EEF1A2: variants seen among roughly 807,000 people sequenced by gnomAD.
The protein encoded by EEF1A2 is elongation factor 1-alpha 2.
In EEF1A2, 5 loss-of-function variants were observed where a neutral mutation model predicts 39.3. The ratio of observed to expected loss-of-function variants is 0.13; its 90% CI spans 0.07 to 0.27. The LOEUF (loss-of-function observed/expected upper bound fraction) is 0.27, where lower values mean the gene tolerates loss of function less well. Among genes scored for constraint, EEF1A2 ranks in the 10% least tolerant of loss-of-function variants. The pLI, the probability that EEF1A2 is intolerant of heterozygous loss-of-function variation, is 1.00. For missense variants in EEF1A2, 218 were observed against 681.4 expected, an observed-to-expected ratio of 0.32 and a Z score of 7.57; for synonymous variants, 287 against 293.7, an observed-to-expected ratio of 0.98 and a Z score of 0.23.
intron 5 of EEF1A2, among the ~76,000 whole-genome samples, chr20:63,492,390 GTA>G (rs1202277898): frequency 0.095 from 12,260 of 129,102 alleles, 32 homozygotes; most frequent in African/African-American, 0.18. Flanking sequence ...GGATGGGTGG[GTA>G]GATGGATGGA....
Position 63,488,207 on chromosome 20 carries a change from C to G in EEF1A2, c.*91G>C, listed in dbSNP as rs2082360758. 1 of 793,348 alleles carries G rather than the reference C, an allele frequency of 1.3e-6. No homozygotes were observed. Among genetic ancestry groups the G allele is most frequent in the Non-Finnish European group, 1.4e-6 (1 of 703,760 alleles). 49.1% of individuals were successfully genotyped at this position (793,348 alleles called of 1,614,324 possible). ...CTGGCGGGGGTGCGGGGCGCCGGAC[C>G]GGCGCGCGGGGCGGGGGCGGGGCGG... On this transcript the variant is annotated 3_prime_UTR_variant, in exon 8 of 8. Coordinates refer to ENST00000217182, the MANE Select transcript of EEF1A2 (RefSeq NM_001958.5).
rs201364212 is a variant in EEF1A2, at chr20:63,490,751, G to T, written c.773-16C>A. The T allele has an allele frequency of 3.2e-6, 5 of 1,584,038 alleles. No homozygotes were observed. The highest frequency in any genetic ancestry group is 4.3e-6 in the Non-Finnish European group (5 of 1,165,966). ...GTGCCAATGCCTGCAGAGGGGAGGG[G>T]GTGTGAGGGGAAGGTGGGGCCCGAG... On this transcript the variant is annotated splice_polypyrimidine_tract_variant and intron_variant, in intron 5 of 7. Transcript: ENST00000217182.
intron 5 of EEF1A2, among the ~76,000 whole-genome samples, chr20:63,491,980 G>A (rs1454813645): frequency 7.5e-6 from 1 of 133,864 alleles, no homozygotes; most frequent in East Asian, 2.2e-4. Context: ...ATGGATGGAT[G>A]GATGGATGGA....
chr20:63,496,137 G>T, intron 2 of EEF1A2, 102 bp from the exon 3 acceptor site: 2 of 1,396,920 alleles, frequency 1.4e-6, no homozygotes, highest in Non-Finnish European at 2.0e-6. Flanking sequence ...AGAGGCGGGA[G>T]ATGGGCTCCA....
intron 2 of EEF1A2, 86 bp from the exon 3 acceptor site, chr20:63,496,121 G>T: frequency 6.7e-7 from 1 of 1,491,792 alleles, no homozygotes. Context: ...CAGCAGAGTG[G>T]CCGCGAGAGG....
rs2082409506 is a variant in EEF1A2 at position 63,494,890 on chromosome 20, T to C, written c.536A>G (p.Lys179Arg). 1.2e-6 allele frequency: 2 copies of C among 1,612,752 alleles called. No individual in the cohort carries two copies. Among genetic ancestry groups the C allele is most frequent in the Non-Finnish European group, 1.7e-6 (2 of 1,179,948 alleles). Residue 179 changes from lysine to arginine, a missense_variant, in exon 4 of 8, where the codon AAG (lysine) becomes AGG (arginine). Lys to Arg is a conservative substitution (Grantham distance 26). This residue lies in a region of EEF1A2 where 79 missense variants were observed against 172.3 expected (regional missense o/e 0.46). Transcript: ENST00000217182. ...EIVKEVSAYI[K>R]KIGYNPATVP... ...GGTGGCCGGGTTGTAGCCGATCTTC[T>C]TGATGTAGGCGCTGACTTCCTTGAC... is the stretch of plus-strand genomic sequence containing the variant.
At chr20:63,488,569 C>T (rs1471206654) in intron 7 of EEF1A2, 144 bp from the exon 8 acceptor site, 81 of 1,162,986 alleles carry the variant, frequency 7.0e-5, no homozygotes, top group Non-Finnish European at 9.0e-5. Flanking sequence ...TGAAGACGGC[C>T]GGCCTCGCGG....
At position 63,496,065 on chromosome 20, in the gene EEF1A2, C is replaced by T. The variant is rs564935872; in HGVS notation, c.145-30G>A. The T allele has an allele frequency of 1.5e-5, 24 of 1,608,448 alleles. No homozygotes were observed. The East Asian group carries it at 1.6e-4, about 10-fold the overall frequency. ...AGCGGGTGAGGGTCACGGCTGAGGG[C>T]GGGACCCGGGACCCAGGAGTCCCTG... On this transcript the variant is annotated intron_variant, in intron 2 of 7. Coordinates refer to ENST00000217182, the MANE Select transcript of EEF1A2 (RefSeq NM_001958.5).
chr20:63,497,848 G>C lies in EEF1A2; in HGVS notation c.-71-14C>G. 1 of 1,534,056 alleles carries C rather than the reference G, an allele frequency of 6.5e-7. No individual in the cohort carries two copies. The highest frequency in any genetic ancestry group is 8.8e-7 in the Non-Finnish European group (1 of 1,136,436). On this transcript the variant is annotated splice_polypyrimidine_tract_variant and intron_variant, in intron 1 of 7. Transcript: ENST00000217182. This position sits in a 1 kb window ranked among gnomAD's most constrained non-coding sequence, Gnocchi z 7.3. ...GCTGCAGTGATTCTGTGGGGCCAGT[G>C]GTGGTGGGGAGACCGGTGATGGGGA...
intron 6 of EEF1A2, among the ~76,000 whole-genome samples, chr20:63,489,802 C>A (rs922821187): frequency 6.6e-6 from 1 of 152,106 alleles, no homozygotes; most frequent in Non-Finnish European, 1.5e-5. Context: ...ATAAATAAAT[C>A]ATATGAAGAG....
Position 63,488,202 on chromosome 20 carries a change from C to T in EEF1A2, c.*96G>A, listed in dbSNP as rs1402521423. On this transcript the variant is annotated 3_prime_UTR_variant, in exon 8 of 8. Coordinates refer to ENST00000217182, the MANE Select transcript of EEF1A2 (RefSeq NM_001958.5). ...TGCGCCTGGCGGGGGTGCGGGGCGC[C>T]GGACCGGCGCGCGGGGCGGGGGCGG... 58 of 791,284 alleles carry T rather than the reference C, an allele frequency of 7.3e-5. No homozygotes were observed. In the Admixed American group the frequency reaches 2.9e-3, roughly 40 times the overall value. The allele number at this position is 791,284 out of a possible 1,614,324, so 49.0% of individuals were successfully genotyped here.
chr20:63,493,356 G>C, intron 4 of EEF1A2, 69 bp from the exon 5 acceptor site: 1 of 1,447,098 alleles, frequency 6.9e-7, no homozygotes, highest in Non-Finnish European at 9.2e-7. Flanking sequence ...GGCCTCCCCA[G>C]GGTGCTTCCA....
intron 7 of EEF1A2, 143 bp downstream of exon 7, chr20:63,488,775 G>A: frequency 2.2e-6 from 2 of 923,752 alleles, no homozygotes; most frequent in East Asian, 2.6e-5. Flanking sequence ...GGAGGCCGTG[G>A]CTCTCCTGCC....
intron 3 of EEF1A2, among the ~76,000 whole-genome samples, chr20:63,495,612 A>C (rs1164510303): frequency 6.6e-6 from 1 of 152,042 alleles, no homozygotes; most frequent in Non-Finnish European, 1.5e-5. Context: ...ATCTGCCCCC[A>C]TCTATCTGGG....
chr20:63,490,756 G>A (rs749057480), intron 5 of EEF1A2, 21 bp from the exon 6 acceptor site: 2 of 1,581,350 alleles, frequency 1.3e-6, no homozygotes, highest in East Asian at 2.3e-5. Flanking sequence ...GAGGGGGTGT[G>A]AGGGGAAGGT....
rs1288266797 is a variant in EEF1A2 at position 63,497,386 on chromosome 20, C to T, written c.144+234G>A. The T allele has an allele frequency of 1.8e-6, 1 of 543,966 alleles. No individual in the cohort carries two copies. The highest frequency in any genetic ancestry group is 3.1e-6 in the Non-Finnish European group (1 of 326,726). The allele number at this position is 543,966 out of a possible 1,614,324, so 33.7% of individuals were successfully genotyped here. A position where few individuals can be genotyped will look rare whatever the true frequency, so the allele number is the denominator to read the frequency against. ...GACCCTCCCAGGTCACCTCCCTCACCACAGGGCAAGTCCGGCAGCTCGATG... is the reference window on the plus strand; with the variant it reads ...GACCCTCCCAGGTCACCTCCCTCACTACAGGGCAAGTCCGGCAGCTCGATG... On this transcript the variant is annotated intron_variant, in intron 2 of 7. Coordinates refer to ENST00000217182, the MANE Select transcript of EEF1A2 (RefSeq NM_001958.5). This position sits in a 1 kb window ranked among gnomAD's most constrained non-coding sequence, Gnocchi z 7.3.
At position 63,498,128 on chromosome 20, in the gene EEF1A2, C is replaced by G. The variant is rs2082426598; in HGVS notation, c.-71-294G>C. 1 of 179,114 alleles carries G rather than the reference C, an allele frequency of 5.6e-6. No individual in the cohort carries two copies. The highest frequency in any genetic ancestry group is 2.4e-5 in the African/African-American group (1 of 42,260). The allele number at this position is 179,114 out of a possible 1,614,324, so 11.1% of individuals were successfully genotyped here. ...GGGGTTAGCCACCATTTGGAGAGAC[C>G]ACGCAGCGCCAGGCTGGGTACGTCC... On this transcript the variant is annotated intron_variant, in intron 1 of 7. Transcript: ENST00000217182. This position sits in a 1 kb window ranked among gnomAD's most constrained non-coding sequence, Gnocchi z 4.1.
intron 5 of EEF1A2, among the ~76,000 whole-genome samples, chr20:63,491,987 TGGATG>T (rs2082384435): frequency 8.2e-6 from 1 of 121,710 alleles, no homozygotes; most frequent in African/African-American, 3.8e-5. Context: ...GATGGATGGA[TGGATG>T]GATGGATGGA....
chr20:63,492,714 A>ATG (rs1332452683), intron 5 of EEF1A2, among the ~76,000 whole-genome samples: 1 of 98,012 alleles, frequency 1.0e-5, no homozygotes, highest in African/African-American at 3.6e-5. Flanking sequence ...GGATGGATGG[A>ATG]GAGGTGGATG....
Sources: gnomAD v4.1 joint callset for allele counts (sites outside exome capture counted in the v4.1 genomes callset) on GRCh38, gnomAD v4.1.1 for gene constraint, gnomAD v4.1.1 regional missense constraint, Gnocchi (gnomAD v3.1) non-coding constraint, MANE v1.5 for transcripts, NCBI Gene and HGNC (gene_info 2026-07-23, HGNC 2026-07-21) for gene names.